NHS: variants seen among roughly 807,000 people sequenced by gnomAD.
The protein encoded by NHS is actin remodeling regulator NHS.
Under a neutral mutation model 72.5 loss-of-function variants are expected in NHS, and 5 were observed. That is an observed-to-expected ratio of 0.07 (90% CI 0.04 to 0.14). The LOEUF (loss-of-function observed/expected upper bound fraction) is 0.14. Among genes scored for constraint, NHS ranks in the 10% least tolerant of loss-of-function variants. NHS has a pLI of 1.00. For missense variants in NHS, 1,072 were observed against 1,355.7 expected (o/e 0.79, Z 3.29); for synonymous variants, 464 against 547.7 (o/e 0.85, Z 2.13).
intron 1 of NHS, among the ~76,000 whole-genome samples, chrX:17,534,097 TGTG>T (rs1012380494): frequency 5.2e-5 from 1 of 19,276 alleles, no homozygotes; most frequent in Non-Finnish European, 8.1e-5. Context: ...GAAAGGTCAT[TGTG>T]TGTGTGTGTG....
chrX:17,732,213 G>A lies in NHS; in HGVS notation c.4705G>A (p.Gly1569Arg). ...CGATGATGCCCATCAGGGGTCACAA[G>A]GGGCTGAGGCATTGTCCCCACTCTC... Reference protein sequence around the residue: ...STDDAHQGSQGAEALSPLSPC... With the variant: ...STDDAHQGSQRAEALSPLSPC... Residue 1569 changes from glycine to arginine, a missense_variant, in exon 9 of 9, where the codon GGG (glycine) becomes AGG (arginine). Transcript: ENST00000676302. 8.3e-7 allele frequency: 1 copy of A among 1,211,986 alleles called. No homozygotes were observed. The highest frequency in any genetic ancestry group is 1.1e-6 in the Non-Finnish European group (1 of 895,565).
intron 1 of NHS, among the ~76,000 whole-genome samples, chrX:17,594,536 TG>T (rs1442376537): frequency 2.7e-5 from 3 of 112,299 alleles, no homozygotes; most frequent in African/African-American, 9.7e-5. Context: ...CCGTTCTGCC[TG>T]GGGTACCCCT....
At chrX:17,574,308 C>T (rs2065497954) in intron 1 of NHS, among the ~76,000 whole-genome samples, 1 of 112,501 alleles carries the variant, frequency 8.9e-6, no homozygotes, top group Non-Finnish European at 1.9e-5. Context: ...GAGAGACAGT[C>T]GGCCTTGCTG....
chrX:17,468,400 C>T (rs191789967), intron 1 of NHS, among the ~76,000 whole-genome samples: 177 of 109,983 alleles, frequency 1.6e-3, no homozygotes, highest in African/African-American at 5.5e-3. Context: ...TTTCCATTCA[C>T]TCTCAGCTCA....
In NHS at chrX:17,727,463, A is replaced by G. The variant is rs1398630669; in HGVS notation, c.3357A>G (p.Val1119=). ...HVFTHNKQNT[V]GETLRSNPPP... ...TTACTCATAATAAGCAGAACACAGT[A>G]GGAGAAACACTGAGGTCGAATCCTC... is the stretch of plus-strand genomic sequence containing the variant. The change falls in exon 7 of 9, where the codon GTA becomes GTG. Residue 1119 remains valine (V), a synonymous_variant. Transcript: ENST00000676302. The G allele has an allele frequency of 8.3e-7, 1 of 1,211,677 alleles. No individual in the cohort carries two copies.
At chrX:17,385,883 G>T (rs1163332495) in intron 1 of NHS, among the ~76,000 whole-genome samples, 1 of 112,137 alleles carries the variant, frequency 8.9e-6, no homozygotes, top group Non-Finnish European at 1.9e-5. Flanking sequence ...TTTAACAAGA[G>T]TCCTAGAATC....
At chrX:17,438,950 C>T (rs1384037593) in intron 1 of NHS, among the ~76,000 whole-genome samples, 2 of 109,617 alleles carry the variant, frequency 1.8e-5, no homozygotes, top group African/African-American at 3.3e-5. Context: ...TGGGGAAGCA[C>T]GTTGTCTGGA....
At chrX:17,657,285 G>A (rs2065961579) in intron 1 of NHS, among the ~76,000 whole-genome samples, 1 of 113,216 alleles carries the variant, frequency 8.8e-6, no homozygotes, top group Admixed American at 9.2e-5. Flanking sequence ...GGTGCACAGT[G>A]TTTTGCCATA....
chrX:17,400,099 C>G (rs2064495951), intron 1 of NHS, among the ~76,000 whole-genome samples: 1 of 111,311 alleles, frequency 9.0e-6, no homozygotes, highest in African/African-American at 3.3e-5. Flanking sequence ...TAAAGGCATC[C>G]AATTGGAAAA....
At chrX:17,469,513 A>G (rs370257013) in intron 1 of NHS, among the ~76,000 whole-genome samples, 1 of 112,177 alleles carries the variant, frequency 8.9e-6, no homozygotes, top group African/African-American at 3.2e-5. Context: ...GAGTTCAGGC[A>G]TCTTCAGTGA....
chrX:17,635,438 C>T, intron 1 of NHS: 1 of 1,164,754 alleles, frequency 8.6e-7, no homozygotes, highest in East Asian at 3.3e-5. Flanking sequence ...AGGTTGCCCT[C>T]TCTCGCCCTC....
intron 1 of NHS, among the ~76,000 whole-genome samples, chrX:17,422,479 T>A (rs753006867): frequency 5.4e-5 from 6 of 111,452 alleles, no homozygotes; most frequent in Admixed American, 9.5e-5. Flanking sequence ...ATGGTTCTTT[T>A]CAAATCCAGG....
intron 1 of NHS, among the ~76,000 whole-genome samples, chrX:17,683,001 T>C (rs16980666): frequency 0.063 from 7,033 of 111,423 alleles, 569 homozygotes; most frequent in African/African-American, 0.22. Flanking sequence ...TAGTTTTCCT[T>C]AATGTCTAAG....
intron 1 of NHS, among the ~76,000 whole-genome samples, chrX:17,678,415 C>T (rs779114965): frequency 6.3e-5 from 7 of 110,926 alleles, no homozygotes; most frequent in South Asian, 3.8e-4. Flanking sequence ...TTCTGCAGGC[C>T]GTACAGGAAG....
At chrX:17,433,174 C>T (rs1007506830) in intron 1 of NHS, among the ~76,000 whole-genome samples, 4 of 102,427 alleles carry the variant, frequency 3.9e-5, no homozygotes, top group Admixed American at 2.1e-4. Context: ...GGACTACAGG[C>T]GCCCGCCACC....
chrX:17,726,469 T>A lies in NHS; in HGVS notation c.2363T>A (p.Met788Lys). ...GACACGGAAGGATACTATACCTCCA[T>A]GCACTTTGACTGTGGTCTCAAAGGT... ...SVDTEGYYTS[M>K]HFDCGLKGNK... Residue 788 changes from methionine to lysine, a missense_variant, in exon 7 of 9, where the codon ATG becomes AAG. Physicochemically the swap from Met to Lys is moderately conservative, Grantham distance 95 (BLOSUM62 -1). Coordinates refer to ENST00000676302, the MANE Select transcript of NHS (RefSeq NM_001291867.2). The A allele has an allele frequency of 8.3e-7, 1 of 1,212,106 alleles. No individual in the cohort carries two copies. The highest frequency in any genetic ancestry group is 1.8e-5 in the South Asian group (1 of 57,025).
At chrX:17,561,572 G>GCACACACACACACACA (rs1304131940) in intron 1 of NHS, among the ~76,000 whole-genome samples, 1 of 60,229 alleles carries the variant, frequency 1.7e-5, no homozygotes, top group African/African-American at 7.2e-5. Flanking sequence ...GCGCGCGCGC[G>GCACACACACACACACA]CGCACACACA....
intron 1 of NHS, among the ~76,000 whole-genome samples, chrX:17,444,523 C>T (rs2064769887): frequency 8.9e-6 from 1 of 112,254 alleles, no homozygotes; most frequent in African/African-American, 3.2e-5. Context: ...TTGGTATAGA[C>T]TGTGCCTGAG....
chrX:17,442,675 C>T (rs2064761460), intron 1 of NHS, among the ~76,000 whole-genome samples: 1 of 112,190 alleles, frequency 8.9e-6, no homozygotes, highest in South Asian at 3.7e-4. Context: ...GGCAAATCAC[C>T]AGATTTAGGC....
Sources: gnomAD v4.1 joint callset for allele counts (sites outside exome capture counted in the v4.1 genomes callset) on GRCh38, gnomAD v4.1.1 for gene constraint, MANE v1.5 for transcripts, NCBI Gene and HGNC (gene_info 2026-07-23, HGNC 2026-07-21) for gene names.